ALDH1A2: variants seen among roughly 807,000 people sequenced by gnomAD.
The protein encoded by ALDH1A2 is retinal dehydrogenase 2.
In ALDH1A2, 27 loss-of-function variants were observed where a neutral mutation model predicts 60.3. The observed-to-expected ratio is 0.45, with a 90% CI of 0.33 to 0.62. ALDH1A2 has a LOEUF of 0.62. Among genes scored for constraint, ALDH1A2 ranks in the 20% least tolerant of loss-of-function variants. The pLI, the probability that ALDH1A2 is intolerant of heterozygous loss-of-function variation, is 0.02. For missense variants in ALDH1A2, 581 were observed against 643.8 expected, an observed-to-expected ratio of 0.90 and a Z score of 1.06; for synonymous variants, 289 against 232.4, an observed-to-expected ratio of 1.24 and a Z score of -2.21.
At chr15:58,020,210 T>A (rs1450048227) in intron 1 of ALDH1A2, among the ~76,000 whole-genome samples, 3 of 152,238 alleles carry the variant, frequency 2.0e-5, no homozygotes, top group Non-Finnish European at 4.4e-5. Context: ...TACCACATTT[T>A]CTTTATCCAT....
At chr15:58,039,697 T>C (rs748812465) in intron 1 of ALDH1A2, among the ~76,000 whole-genome samples, 50 of 151,890 alleles carry the variant, frequency 3.3e-4, no homozygotes, top group Admixed American at 5.3e-4. Flanking sequence ...GAAAGAAATA[T>C]TGTCTTCTAA....
intron 5 of ALDH1A2, among the ~76,000 whole-genome samples, chr15:57,994,838 A>G (rs1894999311): frequency 6.6e-6 from 1 of 152,188 alleles, no homozygotes; most frequent in Non-Finnish European, 1.5e-5. Context: ...TGCTTTGCTT[A>G]TTTTAATCAT....
intron 4 of ALDH1A2, among the ~76,000 whole-genome samples, chr15:58,008,352 T>C (rs1895525999): frequency 6.6e-6 from 1 of 152,082 alleles, no homozygotes. Flanking sequence ...GTGAGAGCCC[T>C]ATGAGAGCCT....
chr15:57,979,056 G>A (rs1252132690), intron 7 of ALDH1A2, among the ~76,000 whole-genome samples: 1 of 152,096 alleles, frequency 6.6e-6, no homozygotes, highest in Non-Finnish European at 1.5e-5. Flanking sequence ...CACGGTGGTG[G>A]TGTGGGGAGT....
intron 1 of ALDH1A2, 159 bp from the exon 2 acceptor site, chr15:58,014,440 T>G: frequency 1.4e-6 from 1 of 702,110 alleles, no homozygotes; most frequent in Non-Finnish European, 2.6e-6. Context: ...CAACGCCAAT[T>G]TAGGAATTTC....
chr15:58,049,208 C>T (rs1896711743), intron 1 of ALDH1A2, among the ~76,000 whole-genome samples: 1 of 151,938 alleles, frequency 6.6e-6, no homozygotes. Context: ...CTTCTTTAAC[C>T]ACAGAAATTT....
intron 1 of ALDH1A2, among the ~76,000 whole-genome samples, chr15:58,042,226 C>T (rs1298079246): frequency 1.3e-5 from 2 of 151,920 alleles, no homozygotes; most frequent in Non-Finnish European, 2.9e-5. Flanking sequence ...TCTTTCAAAA[C>T]TGAGTTCATA....
chr15:58,041,751 GA>G (rs1214534013), intron 1 of ALDH1A2, among the ~76,000 whole-genome samples: 1 of 151,844 alleles, frequency 6.6e-6, no homozygotes, highest in Non-Finnish European at 1.5e-5. Context: ...ATCCATGGGG[GA>G]TATGTTCCAA....
chr15:58,058,453 A>C, intron 1 of ALDH1A2, among the ~76,000 whole-genome samples: 1 of 138,742 alleles, frequency 7.2e-6, no homozygotes, highest in Admixed American at 7.3e-5. Context: ...TTAAGGAATC[A>C]CTAGAAATGA....
At chr15:57,993,888 C>T in intron 5 of ALDH1A2, among the ~76,000 whole-genome samples, 1 of 152,338 alleles carries the variant, frequency 6.6e-6, no homozygotes, top group Non-Finnish European at 1.5e-5. Context: ...TGCCATCCTT[C>T]AAGGCTTCTC....
At chr15:57,984,478 G>A (rs1894630577) in intron 7 of ALDH1A2, among the ~76,000 whole-genome samples, 3 of 152,090 alleles carry the variant, frequency 2.0e-5, no homozygotes, top group African/African-American at 7.2e-5. Context: ...ACTTCTATCT[G>A]AGGACATAAA....
chr15:58,007,797 G>GGA (rs34133263), intron 4 of ALDH1A2, among the ~76,000 whole-genome samples: 1 of 142,566 alleles, frequency 7.0e-6, no homozygotes, highest in Non-Finnish European at 1.5e-5. Flanking sequence ...ACTTCACTGT[G>GGA]AAAAAAAAAA....
At chr15:57,999,017 G>A (rs1895162923) in intron 4 of ALDH1A2, among the ~76,000 whole-genome samples, 1 of 152,006 alleles carries the variant, frequency 6.6e-6, no homozygotes, top group Non-Finnish European at 1.5e-5. Flanking sequence ...ATTAAAACTG[G>A]ACCCCTTCTT....
At chr15:58,026,312 A>G (rs1465256948) in intron 1 of ALDH1A2, among the ~76,000 whole-genome samples, 2 of 152,224 alleles carry the variant, frequency 1.3e-5, no homozygotes, top group African/African-American at 4.8e-5. Flanking sequence ...GAAAATCTAC[A>G]GAATGAAGGA....
intron 7 of ALDH1A2, chr15:57,980,154 C>T (rs1005765991): frequency 2.5e-5 from 7 of 285,664 alleles, no homozygotes; most frequent in Non-Finnish European, 4.4e-5. Flanking sequence ...AGCCCGATGA[C>T]GCACTGGCCA....
chr15:58,028,369 C>T (rs1025084834), intron 1 of ALDH1A2, among the ~76,000 whole-genome samples: 1 of 152,170 alleles, frequency 6.6e-6, no homozygotes, highest in African/African-American at 2.4e-5. Context: ...TTGTCACCAC[C>T]AGTCCTGCCT....
chr15:57,967,908 A>C (rs2140457248), intron 7 of ALDH1A2, among the ~76,000 whole-genome samples: 1 of 152,304 alleles, frequency 6.6e-6, no homozygotes, highest in Admixed American at 6.5e-5. Context: ...AAACAGGCAA[A>C]CACAAAGGGA....
chr15:58,003,607 T>C (rs1895348230), intron 4 of ALDH1A2, among the ~76,000 whole-genome samples: 1 of 151,830 alleles, frequency 6.6e-6, no homozygotes, highest in Non-Finnish European at 1.5e-5. Context: ...AATCAACACT[T>C]GCTACAGAGA....
chr15:58,045,551 A>C (rs1456521737), intron 1 of ALDH1A2, among the ~76,000 whole-genome samples: 3 of 152,256 alleles, frequency 2.0e-5, no homozygotes, highest in Non-Finnish European at 2.9e-5. Context: ...ACACCATGGA[A>C]TACTATGCAG....
Sources: allele counts gnomAD v4.1 joint callset (sites outside exome capture counted in the v4.1 genomes callset), GRCh38; gene constraint gnomAD v4.1.1; transcripts MANE v1.5; gene names NCBI Gene and HGNC (gene_info 2026-07-23, HGNC 2026-07-21).